The following INPP4B variants were observed in gnomAD, a reference collection of about 807,000 sequenced individuals.
The protein encoded by INPP4B is inositol polyphosphate 4-phosphatase type II.
INPP4B carries 55 observed loss-of-function variants against 122.5 expected under a neutral mutation model. The ratio of observed to expected loss-of-function variants is 0.45; its 90% CI spans 0.36 to 0.56. The LOEUF is 0.56. Among genes scored for constraint, INPP4B ranks in the 20% least tolerant of loss-of-function variants. INPP4B has a pLI of 0.00. For missense variants in INPP4B, 1,000 were observed against 1,097.7 expected (o/e 0.91, Z 1.26); for synonymous variants, 403 against 388.7 (o/e 1.04, Z -0.43).
At chr4:142,621,784 AAAT>A (rs1367697289) in intron 2 of INPP4B, among the ~76,000 whole-genome samples, 5 of 151,090 alleles carry the variant, frequency 3.3e-5, no homozygotes. Flanking sequence ...TTATGTATAA[AAAT>A]ATTATGTAAT....
chr4:142,163,750 G>A (rs530712138), intron 16 of INPP4B, among the ~76,000 whole-genome samples: 23 of 151,886 alleles, frequency 1.5e-4, no homozygotes, highest in African/African-American at 5.5e-4. Context: ...ACATATCCTC[G>A]TGGATAAGGG....
At chr4:142,071,083 A>G (rs1010591232) in intron 25 of INPP4B, among the ~76,000 whole-genome samples, 16 of 152,170 alleles carry the variant, frequency 1.1e-4, no homozygotes, top group African/African-American at 3.9e-4. Context: ...CTGACTTCAA[A>G]CTATACTACA....
At chr4:142,455,944 A>G (rs3863128) in intron 3 of INPP4B, among the ~76,000 whole-genome samples, 46,318 of 151,826 alleles carry the variant, frequency 0.31, 8,667 homozygotes, top group African/African-American at 0.49. Context: ...TGCTATTTGT[A>G]TGTCTTCTTT....
At chr4:142,832,175 G>A (rs1381597186) in intron 1 of INPP4B, among the ~76,000 whole-genome samples, 1 of 152,138 alleles carries the variant, frequency 6.6e-6, no homozygotes, top group Non-Finnish European at 1.5e-5. Flanking sequence ...ATAATTCAGT[G>A]ATGAGTAAAA....
intron 7 of INPP4B, among the ~76,000 whole-genome samples, chr4:142,363,299 T>C (rs982815254): frequency 3.3e-5 from 5 of 151,956 alleles, no homozygotes; most frequent in African/African-American, 1.2e-4. Context: ...ACTCCTCCAG[T>C]TATGCCATGC....
At chr4:142,621,964 A>C (rs1012040245) in intron 2 of INPP4B, among the ~76,000 whole-genome samples, 1 of 151,958 alleles carries the variant, frequency 6.6e-6, no homozygotes, top group Non-Finnish European at 1.5e-5. Flanking sequence ...ACTAAGACAG[A>C]AGATTAAGTA....
chr4:142,076,398 T>A (rs1386114175), intron 25 of INPP4B, among the ~76,000 whole-genome samples: 1 of 152,060 alleles, frequency 6.6e-6, no homozygotes, highest in Admixed American at 6.6e-5. Flanking sequence ...GTGTATTCTT[T>A]GCAGTATCTT....
intron 7 of INPP4B, among the ~76,000 whole-genome samples, chr4:142,345,280 A>G (rs1779947461): frequency 6.6e-6 from 1 of 152,038 alleles, no homozygotes; most frequent in African/African-American, 2.4e-5. Flanking sequence ...ATGATGAGAC[A>G]CATAAAAGGT....
chr4:142,278,500 G>C (rs1365091885), intron 9 of INPP4B, among the ~76,000 whole-genome samples: 1 of 151,892 alleles, frequency 6.6e-6, no homozygotes, highest in Non-Finnish European at 1.5e-5. Flanking sequence ...CAGTGGCAAT[G>C]ATGGCAGTAT....
intron 2 of INPP4B, among the ~76,000 whole-genome samples, chr4:142,503,934 A>G (rs1336737173): frequency 6.6e-6 from 1 of 152,052 alleles, no homozygotes; most frequent in East Asian, 1.9e-4. Context: ...ACCATACACA[A>G]AAAACAAATT....
At chr4:142,512,697 T>C (rs1174143351) in intron 2 of INPP4B, among the ~76,000 whole-genome samples, 1 of 152,194 alleles carries the variant, frequency 6.6e-6, no homozygotes, top group East Asian at 1.9e-4. Flanking sequence ...ACCATTATTG[T>C]AATTGTCACA....
intron 7 of INPP4B, among the ~76,000 whole-genome samples, chr4:142,330,326 T>C (rs1404803026): frequency 2.6e-5 from 4 of 152,210 alleles, no homozygotes; most frequent in African/African-American, 9.7e-5. Flanking sequence ...GGTATAATTT[T>C]GGATATCATT....
intron 7 of INPP4B, among the ~76,000 whole-genome samples, chr4:142,348,687 C>A (rs1377633270): frequency 6.6e-6 from 1 of 152,074 alleles, no homozygotes; most frequent in Admixed American, 6.6e-5. Context: ...CAAACTAGAA[C>A]AGGCTCAACT....
At position 142,314,728 on chromosome 4, in the gene INPP4B, G is replaced by A. The variant is rs2151318860; in HGVS notation, c.407C>T (p.Pro136Leu). 6.2e-7 allele frequency: 1 copy of A among 1,601,156 alleles called. No individual in the cohort carries two copies. The highest frequency in any genetic ancestry group is 8.5e-7 in the Non-Finnish European group (1 of 1,175,212). ...AACACTTACCCCAACTTCTGGCGGGGGATCCTTATGTTCTGGTAGGACACT... is the reference window on the plus strand; with the variant it reads ...AACACTTACCCCAACTTCTGGCGGGAGATCCTTATGTTCTGGTAGGACACT... ...RTSVLPEHKD[P>L]PPEVGRSFLG... is the part of the protein sequence containing the mutation. The change falls in exon 8 of 26, where the codon CCC becomes CTC. Residue 136 changes from proline to leucine, a missense_variant. Physicochemically the swap from Pro to Leu is moderately conservative, Grantham distance 98. Coordinates refer to ENST00000262992, the MANE Select transcript of INPP4B (RefSeq NM_001101669.3).
intron 2 of INPP4B, among the ~76,000 whole-genome samples, chr4:142,621,988 T>G (rs1325203749): frequency 6.6e-6 from 1 of 151,928 alleles, no homozygotes; most frequent in East Asian, 1.9e-4. Flanking sequence ...TAATGAAGGT[T>G]ATACAGTAAG....
chr4:142,432,604 A>T (rs1809564625), intron 3 of INPP4B, among the ~76,000 whole-genome samples: 1 of 152,068 alleles, frequency 6.6e-6, no homozygotes, highest in East Asian at 1.9e-4. Context: ...TTTTTTTACC[A>T]TTAAATTTAG....
At chr4:142,235,994 T>C (rs1409640710) in intron 12 of INPP4B, among the ~76,000 whole-genome samples, 1 of 152,242 alleles carries the variant, frequency 6.6e-6, no homozygotes, top group Non-Finnish European at 1.5e-5. Context: ...GTTTTGGCTA[T>C]GCTAGATGTA....
intron 9 of INPP4B, among the ~76,000 whole-genome samples, chr4:142,296,460 C>G (rs1758741959): frequency 6.6e-6 from 1 of 152,174 alleles, no homozygotes; most frequent in African/African-American, 2.4e-5. Context: ...TACAATGTGT[C>G]TTATCCTGTC....
At chr4:142,537,424 AT>A (rs1163851447) in intron 2 of INPP4B, among the ~76,000 whole-genome samples, 5 of 51,206 alleles carry the variant, frequency 9.8e-5, no homozygotes, top group Non-Finnish European at 1.9e-4. Context: ...ATATATATAT[AT>A]ATATAGAGAG....
Sources: gnomAD v4.1 joint callset for allele counts (sites outside exome capture counted in the v4.1 genomes callset) on GRCh38, gnomAD v4.1.1 for gene constraint, MANE v1.5 for transcripts, NCBI Gene and HGNC (gene_info 2026-07-23, HGNC 2026-07-21) for gene names.